Variants in PALD1 observed in about 807,000 individuals in gnomAD.
The protein encoded by PALD1 is paladin.
A neutral mutation model predicts 96.0 loss-of-function variants in PALD1; 57 were observed. The observed-to-expected ratio is 0.59, with a 90% confidence interval of 0.48 to 0.74. The LOEUF (loss-of-function observed/expected upper bound fraction) is 0.74, where lower values mean the gene tolerates loss of function less well. PALD1 is among the 30% of genes least tolerant of loss of function. The pLI is 0.00. For missense variants in PALD1, 1,063 were observed against 1,143.7 expected, an observed-to-expected ratio of 0.93 and a Z score of 1.02; for synonymous variants, 464 against 473.6, an observed-to-expected ratio of 0.98 and a Z score of 0.26.
intron 18 of PALD1, among the ~76,000 whole-genome samples, chr10:70,551,727 C>T (rs1201811232): frequency 2.0e-5 from 3 of 152,160 alleles, no homozygotes; most frequent in Admixed American, 2.0e-4. Flanking sequence ...AGCAATAAAA[C>T]TATTCCAGGG....
At position 70,539,339 on chromosome 10, in the gene PALD1, C is replaced by T. The variant is rs1847187783; in HGVS notation, c.1725+92C>T. ...TCAGAAGGCCTCACACTCCCGCAGA[C>T]AGATGGAGAATCTGAGGCCCCGGGA... On this transcript the variant is annotated intron_variant, in intron 14 of 19. Coordinates refer to ENST00000263563, the MANE Select transcript of PALD1 (RefSeq NM_014431.3). This position sits in a 1 kb window ranked among gnomAD's most constrained non-coding sequence, Gnocchi z 4.5. The T allele has an allele frequency of 7.6e-7, 1 of 1,323,256 alleles. No homozygotes were observed. The highest frequency in any genetic ancestry group is 2.4e-5 in the Admixed American group (1 of 41,360). The allele number at this position is 1,323,256 out of a possible 1,614,324, so 82.0% of individuals were successfully genotyped here.
chr10:70,498,635 G>A (rs1846236597), intron 1 of PALD1, among the ~76,000 whole-genome samples: 1 of 151,626 alleles, frequency 6.6e-6, no homozygotes, highest in Non-Finnish European at 1.5e-5. Flanking sequence ...TATTTGAAAG[G>A]TATCGCACAG....
intron 19 of PALD1, among the ~76,000 whole-genome samples, chr10:70,566,276 G>A (rs185786919): frequency 1.5e-3 from 227 of 152,320 alleles, no homozygotes; most frequent in East Asian, 4.1e-3. Context: ...GGGCGTCCAC[G>A]TGGGAGCATC....
At chr10:70,505,115 A>G (rs890944211) in intron 1 of PALD1, among the ~76,000 whole-genome samples, 5 of 152,378 alleles carry the variant, frequency 3.3e-5, no homozygotes, top group African/African-American at 4.8e-5. Flanking sequence ...ATCTGTTACT[A>G]TCGTCACACC....
intron 11 of PALD1, 98 bp from the exon 12 acceptor site, chr10:70,538,182 G>T: frequency 7.6e-7 from 1 of 1,309,952 alleles, no homozygotes; most frequent in South Asian, 1.3e-5. Flanking sequence ...GGGCCATGTT[G>T]GATATCTTTT....
the PALD1 span, among the ~76,000 whole-genome samples, chr10:70,470,539 TAATA>T: frequency 5.5e-5 from 8 of 145,506 alleles, no homozygotes; most frequent in African/African-American, 2.1e-4. Flanking sequence ...TTTTATTATA[TAATA>T]AATAATATTT....
At chr10:70,471,837 T>C in the PALD1 span, among the ~76,000 whole-genome samples, 6 of 152,206 alleles carry the variant, frequency 3.9e-5, no homozygotes, top group Admixed American at 6.5e-5. Flanking sequence ...CTTAGGTTCT[T>C]TGAGGCTCAG....
At chr10:70,476,581 C>G (rs1845824455), upstream of PALD1, among the ~76,000 whole-genome samples, 2 of 152,180 alleles carry the variant, frequency 1.3e-5, no homozygotes, top group South Asian at 4.1e-4. Context: ...TGAGGAACCT[C>G]CAAGCCCTCA....
chr10:70,508,425 G>A (rs1846437894), intron 1 of PALD1, among the ~76,000 whole-genome samples: 1 of 152,226 alleles, frequency 6.6e-6, no homozygotes, highest in Non-Finnish European at 1.5e-5. Context: ...GGGAGCAGCA[G>A]GTTGGAGAAG....
At chr10:70,497,630 G>A (rs911460450) in intron 1 of PALD1, among the ~76,000 whole-genome samples, 4 of 151,150 alleles carry the variant, frequency 2.6e-5, no homozygotes, top group African/African-American at 7.3e-5. Context: ...GTAGTAGCGC[G>A]ATCTCGGCCC....
the PALD1 span, among the ~76,000 whole-genome samples, chr10:70,470,364 C>T: frequency 6.6e-6 from 1 of 151,886 alleles, no homozygotes; most frequent in Non-Finnish European, 1.5e-5. Flanking sequence ...GTCAGAAATG[C>T]ATGGTGTAAA....
chr10:70,464,987 A>G, the PALD1 span, among the ~76,000 whole-genome samples: 1 of 129,464 alleles, frequency 7.7e-6, no homozygotes, highest in Non-Finnish European at 1.6e-5. Flanking sequence ...GTATGTATGT[A>G]TGTTTGAGAT....
At position 70,526,110 on chromosome 10, in the gene PALD1, C is replaced by T; in HGVS notation, c.159C>T (p.Pro53=). The T allele has an allele frequency of 6.2e-7, 1 of 1,614,200 alleles. No homozygotes were observed. The highest frequency in any genetic ancestry group is 8.5e-7 in the Non-Finnish European group (1 of 1,180,004). Residue 53 remains proline, a synonymous_variant, in exon 2 of 20, where the codon CCC becomes CCT. Coordinates refer to ENST00000263563, the MANE Select transcript of PALD1 (RefSeq NM_014431.3). The stretch of plus-strand genomic sequence containing the variant: ...ACAGCAAGGCCAAGTCCATCATCCC[C>T]AACAAGGTGGCCCCTGTTGTGATCA... ...LHNSKAKSII[P]NKVAPVVITY...
In PALD1 at chr10:70,520,992, A is replaced by G. The variant is rs1433045032; in HGVS notation, c.-29-4931A>G. Among the ~76,000 whole-genome samples the G allele has an allele frequency of 2.6e-5, 4 of 152,042 alleles. No individual in the cohort carries two copies. In the East Asian group the frequency reaches 7.7e-4, roughly 29 times the overall value. On this transcript the variant is annotated intron_variant, in intron 1 of 19. Transcript: ENST00000263563. The stretch of plus-strand genomic sequence containing the variant: ...CAGGCGTGAGCCACCGCGCCCGGCC[A>G]GTTTCTTTTCTGACTGCCATGAGAG...
chr10:70,475,697 T>C (rs773292640), upstream of PALD1, among the ~76,000 whole-genome samples: 1 of 152,156 alleles, frequency 6.6e-6, no homozygotes, highest in South Asian at 2.1e-4. Flanking sequence ...TTGGCTTGAG[T>C]GTTCCCTGGA....
At chr10:70,502,695 T>C (rs1477790760) in intron 1 of PALD1, among the ~76,000 whole-genome samples, 1 of 152,184 alleles carries the variant, frequency 6.6e-6, no homozygotes, top group Non-Finnish European at 1.5e-5. Context: ...GTTCCATTCA[T>C]CTAAAAAGGC....
the PALD1 span, among the ~76,000 whole-genome samples, chr10:70,464,624 C>CT: frequency 4.8e-4 from 55 of 115,252 alleles, no homozygotes; most frequent in African/African-American, 1.7e-3. Context: ...ACTGTACCTC[C>CT]TTTTTTTTTT....
chr10:70,531,452 G>A lies in PALD1; in HGVS notation c.631G>A (p.Glu211Lys). 6.2e-7 allele frequency: 1 copy of A among 1,613,302 alleles called. No homozygotes were observed. Among genetic ancestry groups the A allele is most frequent in the African/African-American group, 1.3e-5 (1 of 75,034 alleles). The stretch of plus-strand genomic sequence containing the variant: ...GAGCCTGGAGCTGGCCATCCGGAAA[G>A]AGGTGAGGACCAGTGCGGTGTGCGG... ...VESLELAIRK[E>K]IHDFAQLSEN... is the part of the protein sequence containing the mutation. Residue 211 changes from glutamate to lysine, a missense_variant and splice_region_variant, in exon 5 of 20, where the codon GAG becomes AAG. By Grantham distance (56) the Glu-to-Lys change is moderately conservative. Coordinates refer to ENST00000263563, the MANE Select transcript of PALD1 (RefSeq NM_014431.3).
the PALD1 span, among the ~76,000 whole-genome samples, chr10:70,467,858 C>T: frequency 6.6e-6 from 1 of 151,974 alleles, no homozygotes; most frequent in Non-Finnish European, 1.5e-5. Flanking sequence ...TCACTACGAG[C>T]CCCCCAGCCT....
Sources: allele counts gnomAD v4.1 joint callset (sites outside exome capture counted in the v4.1 genomes callset), GRCh38; gene constraint gnomAD v4.1.1; non-coding constraint Gnocchi (gnomAD v3.1); transcripts MANE v1.5; gene names NCBI Gene and HGNC (gene_info 2026-07-23, HGNC 2026-07-21).